PACRG: variants seen among roughly 807,000 people sequenced by gnomAD.
PACRG encodes the protein parkin coregulated gene protein.
In PACRG, 29 loss-of-function variants were observed where a neutral mutation model predicts 29.7. The observed-to-expected ratio is 0.98, with a 90% CI of 0.73 to 1.33. PACRG has a LOEUF of 1.33. Ranked by LOEUF, PACRG falls within the 40% of genes most tolerant of loss-of-function variation. The pLI is 0.00. For synonymous variants in PACRG, 116 were observed against 118.7 expected (o/e 0.98, Z 0.15); for missense variants, 279 against 316.2 (o/e 0.88, Z 0.89).
At chr6:163,106,721 A>G (rs1031021305) in intron 4 of PACRG, among the ~76,000 whole-genome samples, 47 of 152,252 alleles carry the variant, frequency 3.1e-4, no homozygotes, top group African/African-American at 1.1e-3. Flanking sequence ...ATGATGATGT[A>G]GATAGCTTCA....
At chr6:163,243,354 TGTCCAGC>T (rs1782573679) in intron 4 of PACRG, among the ~76,000 whole-genome samples, 1 of 152,232 alleles carries the variant, frequency 6.6e-6, no homozygotes, top group Non-Finnish European at 1.5e-5. Context: ...AGTAGAAATG[TGTCCAGC>T]GTGTGAATGT....
intron 1 of PACRG, among the ~76,000 whole-genome samples, chr6:162,807,388 T>C (rs1786442434): frequency 6.6e-6 from 1 of 152,204 alleles, no homozygotes; most frequent in Non-Finnish European, 1.5e-5. Flanking sequence ...TTCACTGAGC[T>C]TAATTATTTC....
intron 2 of PACRG, among the ~76,000 whole-genome samples, chr6:162,869,593 T>C (rs1302065021): frequency 1.3e-5 from 2 of 152,176 alleles, no homozygotes; most frequent in African/African-American, 4.8e-5. Context: ...GGGGGCCCTT[T>C]TGTTTACCAT....
In PACRG at chr6:162,880,310, G is replaced by T. The variant is rs945621629; in HGVS notation, c.291+66029G>T. 2.0e-5 allele frequency among the ~76,000 whole-genome samples: 3 copies of T among 152,344 alleles called. No individual in the cohort carries two copies. The East Asian group carries it at 5.8e-4, about 29-fold the overall frequency. ...TGGGAATTTGTGGATGATGTTGCCA[G>T]GCCCCTCACTGGAATCTACATGAGA... On this transcript the variant is annotated intron_variant, in intron 2 of 4. Coordinates refer to ENST00000366888, the MANE Select transcript of PACRG (RefSeq NM_001080379.2).
At chr6:162,851,467 A>G (rs1486472372) in intron 2 of PACRG, among the ~76,000 whole-genome samples, 5 of 152,230 alleles carry the variant, frequency 3.3e-5, no homozygotes, top group Non-Finnish European at 7.3e-5. Context: ...ATGCATGTTT[A>G]TCATAGTTGC....
chr6:163,262,923 G>A (rs1280580108), intron 4 of PACRG, among the ~76,000 whole-genome samples: 1 of 148,094 alleles, frequency 6.8e-6, no homozygotes, highest in East Asian at 2.0e-4. Flanking sequence ...GGTGGCGCAT[G>A]CCCAGGTAGT....
chr6:162,979,109 T>G (rs1802198246), intron 2 of PACRG, among the ~76,000 whole-genome samples: 1 of 152,194 alleles, frequency 6.6e-6, no homozygotes, highest in Non-Finnish European at 1.5e-5. Context: ...TATAATGACC[T>G]GCTTTCTTAG....
intron 2 of PACRG, among the ~76,000 whole-genome samples, chr6:163,025,036 C>T (rs1402173465): frequency 6.6e-6 from 1 of 152,108 alleles, no homozygotes; most frequent in Non-Finnish European, 1.5e-5. Context: ...AATCTGACAT[C>T]CCTCCATGAT....
intron 4 of PACRG, among the ~76,000 whole-genome samples, chr6:163,096,400 G>C (rs910034733): frequency 2.0e-5 from 3 of 152,212 alleles, no homozygotes; most frequent in African/African-American, 7.2e-5. Context: ...TGGGTCACCT[G>C]GTGGACAAGC....
intron 4 of PACRG, among the ~76,000 whole-genome samples, chr6:163,115,440 A>G (rs1430187985): frequency 6.6e-6 from 1 of 152,186 alleles, no homozygotes; most frequent in Non-Finnish European, 1.5e-5. Flanking sequence ...TAATCAGAAA[A>G]GCATCCTAAG....
chr6:162,947,611 C>CATATAT (rs1170513962), intron 2 of PACRG, among the ~76,000 whole-genome samples: 18 of 27,986 alleles, frequency 6.4e-4, no homozygotes, highest in African/African-American at 9.7e-4. Flanking sequence ...TATATATAAT[C>CATATAT]ATATATATAT....
intron 4 of PACRG, among the ~76,000 whole-genome samples, chr6:163,184,297 T>G (rs1779811367): frequency 1.3e-5 from 2 of 152,222 alleles, no homozygotes; most frequent in African/African-American, 4.8e-5. Flanking sequence ...AGTTTAGGTC[T>G]ACTTAAGAGT....
chr6:163,147,362 C>CT (rs1177529492), intron 4 of PACRG, among the ~76,000 whole-genome samples: 3 of 152,044 alleles, frequency 2.0e-5, no homozygotes, highest in Admixed American at 6.6e-5. Context: ...TTTCAATGTG[C>CT]TTTTCTTATT....
intron 1 of PACRG, among the ~76,000 whole-genome samples, chr6:162,768,532 A>G (rs1464636403): frequency 6.6e-6 from 1 of 151,968 alleles, no homozygotes; most frequent in Admixed American, 6.6e-5. Flanking sequence ...TATATCTCCT[A>G]TATTTCTCTA....
In PACRG at chr6:162,806,263, C is replaced by T. The variant is rs139544691; in HGVS notation, c.157-7884C>T. 4.3e-3 allele frequency among the ~76,000 whole-genome samples: 655 copies of T among 151,972 alleles called. 3 individuals carry two copies. The highest frequency in any genetic ancestry group is 0.015 in the African/African-American group (625 of 41,474). ...ATCTGGGATCACAGGCATGCACCAC[C>T]ACGCCCAGCTAATTTTGTATTTTTA... On this transcript the variant is annotated intron_variant, in intron 1 of 4. Transcript: ENST00000366888.
chr6:163,130,624 G>T (rs1334786440), intron 4 of PACRG, among the ~76,000 whole-genome samples: 1 of 152,172 alleles, frequency 6.6e-6, no homozygotes, highest in Non-Finnish European at 1.5e-5. Context: ...GATTTTCAAA[G>T]ATTTTTCCCA....
chr6:163,209,775 T>G (rs533196560), intron 4 of PACRG, among the ~76,000 whole-genome samples: 2 of 152,228 alleles, frequency 1.3e-5, no homozygotes, highest in Non-Finnish European at 2.9e-5. Flanking sequence ...AATATCGTAC[T>G]GTAAACTAAC....
chr6:162,803,743 A>G (rs985412135), intron 1 of PACRG, among the ~76,000 whole-genome samples: 5 of 152,154 alleles, frequency 3.3e-5, no homozygotes, highest in Non-Finnish European at 7.4e-5. Context: ...AAAATGAGAA[A>G]ATGCTCATCC....
intron 2 of PACRG, chr6:163,044,725 G>A (rs1192224535): frequency 6.6e-6 from 1 of 152,224 alleles, no homozygotes; most frequent in African/African-American, 2.4e-5. Flanking sequence ...AGGTCGGTGA[G>A]TCCCACTCTT....
Sources: allele counts gnomAD v4.1 joint callset (sites outside exome capture counted in the v4.1 genomes callset), GRCh38; gene constraint gnomAD v4.1.1; transcripts MANE v1.5; gene names NCBI Gene and HGNC (gene_info 2026-07-23, HGNC 2026-07-21).